Variants in GSN observed in about 807,000 individuals in gnomAD.
The protein encoded by GSN is actin-depolymerizing factor.
In GSN, 56 loss-of-function variants were observed where a neutral mutation model predicts 85.7. The ratio of observed to expected loss-of-function variants is 0.65; its 90% confidence interval spans 0.53 to 0.82. GSN has a LOEUF of 0.82. Ranked by LOEUF, GSN falls within the 40% of genes least tolerant of loss-of-function variation. The pLI is 0.00. For missense variants in GSN, 857 were observed against 979.8 expected (o/e 0.87, Z 1.67); for synonymous variants, 373 against 399.1 (o/e 0.93, Z 0.78).
chr9:121,305,636 A>T lies in GSN; in HGVS notation c.351+2571A>T, dbSNP rs546651377. On this transcript the variant is annotated intron_variant, in intron 4 of 17. Transcript: ENST00000432226. Reference sequence around the variant, plus strand: ...CGGATATGGCCTGGGATCTACTTGGATAGCCAGGTTCCCCGGCCCCCCGAT... The same window carrying T: ...CGGATATGGCCTGGGATCTACTTGGTTAGCCAGGTTCCCCGGCCCCCCGAT... Among the ~76,000 whole-genome samples, 4 of 152,266 alleles carry T rather than the reference A, an allele frequency of 2.6e-5. No homozygotes were observed. In the South Asian group the frequency reaches 8.3e-4, roughly 32 times the overall value.
At chr9:121,215,713 G>C (rs1234877689) in intron 4 of GSN, among the ~76,000 whole-genome samples, 10 of 151,152 alleles carry the variant, frequency 6.6e-5, no homozygotes, top group African/African-American at 2.2e-4. Context: ...AAAACCTGAA[G>C]ATTTTAAGAG....
At chr9:121,219,053 A>G (rs1588416556) in intron 4 of GSN, among the ~76,000 whole-genome samples, 1 of 152,174 alleles carries the variant, frequency 6.6e-6, no homozygotes, top group South Asian at 2.1e-4. Flanking sequence ...CAATATCTTT[A>G]TTCAGTTTCA....
chr9:121,213,886 A>C (rs1430438515), intron 4 of GSN, among the ~76,000 whole-genome samples: 1 of 152,194 alleles, frequency 6.6e-6, no homozygotes, highest in Non-Finnish European at 1.5e-5. Context: ...TGAATGAATG[A>C]ATGAAAAGAT....
intron 6 of GSN, among the ~76,000 whole-genome samples, chr9:121,254,252 C>T (rs1216317119): frequency 6.6e-6 from 1 of 152,244 alleles, no homozygotes; most frequent in Non-Finnish European, 1.5e-5. Context: ...AACAGCTCAG[C>T]TTTGATCCTA....
At chr9:121,300,881 G>A (rs1171034718) in intron 2 of GSN, among the ~76,000 whole-genome samples, 2 of 152,046 alleles carry the variant, frequency 1.3e-5, no homozygotes, top group Non-Finnish European at 2.9e-5. Flanking sequence ...GAGGAGAGGG[G>A]GCTCCTGTGG....
chr9:121,205,676 T>C (rs539575019), upstream of GSN, among the ~76,000 whole-genome samples: 11 of 152,266 alleles, frequency 7.2e-5, no homozygotes, highest in South Asian at 1.5e-3. Flanking sequence ...CTGGAAGATA[T>C]AGCAAATGTG....
intron 2 of GSN, chr9:121,300,050 TG>T: frequency 1.9e-6 from 3 of 1,598,808 alleles, no homozygotes; most frequent in Non-Finnish European, 2.6e-6. Flanking sequence ...AACTCTCTAT[TG>T]TAAGTTCTTG....
chr9:121,315,293 T>C (rs1205310351), intron 7 of GSN, among the ~76,000 whole-genome samples: 1 of 152,226 alleles, frequency 6.6e-6, no homozygotes, highest in African/African-American at 2.4e-5. Flanking sequence ...TAGTATTTTA[T>C]TTTATGAATG....
chr9:121,291,896 T>G (rs1046095283), intron 2 of GSN, among the ~76,000 whole-genome samples: 4 of 151,600 alleles, frequency 2.6e-5, no homozygotes, highest in African/African-American at 9.7e-5. Flanking sequence ...CTTTTTTGTT[T>G]TTGGTTTTTT....
chr9:121,306,409 A>G (rs1160885349), intron 4 of GSN, among the ~76,000 whole-genome samples: 1 of 152,230 alleles, frequency 6.6e-6, no homozygotes, highest in East Asian at 1.9e-4. Flanking sequence ...TCTTCTGACT[A>G]CAAGAGCAAT....
chr9:121,313,866 G>A (rs2061431152), intron 6 of GSN, 68 bp from the exon 7 acceptor site: 1 of 1,226,890 alleles, frequency 8.2e-7, no homozygotes, highest in Non-Finnish European at 1.2e-6. Context: ...GCCTGCCTGG[G>A]AGCTATCTCA....
chr9:121,296,911 C>T (rs2059272021), intron 2 of GSN, among the ~76,000 whole-genome samples: 2 of 152,246 alleles, frequency 1.3e-5, no homozygotes, highest in Non-Finnish European at 2.9e-5. Context: ...GCAGGCAAAG[C>T]TGCAGGCCCT....
intron 4 of GSN, among the ~76,000 whole-genome samples, chr9:121,214,936 T>C (rs986254107): frequency 6.6e-6 from 1 of 152,192 alleles, no homozygotes; most frequent in African/African-American, 2.4e-5. Context: ...AAAAGTACCA[T>C]GAACTGGGTG....
At chr9:121,313,602 A>G in intron 6 of GSN, 1 of 388,982 alleles carries the variant, frequency 2.6e-6, no homozygotes, top group South Asian at 2.3e-5. Context: ...GCGAGGATGC[A>G]GTGACATCTT....
chr9:121,217,803 A>C (rs2054094241), intron 4 of GSN, among the ~76,000 whole-genome samples: 1 of 120,518 alleles, frequency 8.3e-6, no homozygotes, highest in African/African-American at 4.0e-5. Flanking sequence ...GAAATGTATT[A>C]TTATTATTAT....
At chr9:121,272,696 C>G (rs1446979050) in intron 1 of GSN, among the ~76,000 whole-genome samples, 1 of 152,234 alleles carries the variant, frequency 6.6e-6, no homozygotes, top group Non-Finnish European at 1.5e-5. Context: ...ATGTAACACA[C>G]TTACTATGTA....
At chr9:121,233,280 A>G (rs901799322) in intron 5 of GSN, among the ~76,000 whole-genome samples, 2 of 152,154 alleles carry the variant, frequency 1.3e-5, no homozygotes, top group African/African-American at 4.8e-5. Context: ...CCTGATTAAC[A>G]TGGTGAAACC....
chr9:121,214,190 T>TTTCC (rs60742470), intron 4 of GSN, among the ~76,000 whole-genome samples: 3,482 of 151,552 alleles, frequency 0.023, 70 homozygotes, highest in Middle Eastern at 0.044. Flanking sequence ...TCCTCCTTTC[T>TTTCC]TTCCTTCCTT....
Position 121,301,984 on chromosome 9 carries a change from C to A in GSN, c.13C>A (p.His5Asn), listed in dbSNP as rs770721652. MVVE[H>N]PEFLKAGKEP... ...CCAGCCCAACAGCATGGTGGTGGAACACCCCGAGTTCCTCAAGGCAGGGAA... is the reference window on the plus strand; with the variant it reads ...CCAGCCCAACAGCATGGTGGTGGAAAACCCCGAGTTCCTCAAGGCAGGGAA... Residue 5 changes from histidine (H) to asparagine (N), a missense_variant, in exon 3 of 18, where the codon CAC (histidine) becomes AAC (asparagine). Physicochemically the swap from His to Asn is moderately conservative, Grantham distance 68. Coordinates refer to ENST00000432226, the MANE Select transcript of GSN (RefSeq NM_198252.3). 5 of 1,614,110 alleles carry A rather than the reference C, an allele frequency of 3.1e-6. No individual in the cohort carries two copies. In the African/African-American group the frequency reaches 6.7e-5, roughly 22 times the overall value.
Sources: gnomAD v4.1 joint callset for allele counts (sites outside exome capture counted in the v4.1 genomes callset) on GRCh38, gnomAD v4.1.1 for gene constraint, MANE v1.5 for transcripts, NCBI Gene and HGNC (gene_info 2026-07-23, HGNC 2026-07-21) for gene names.